Variants in LMOD1 observed in about 807,000 individuals in gnomAD.
LMOD1 encodes the protein leiomodin-1.
Under a neutral mutation model 36.5 loss-of-function variants are expected in LMOD1, and 8 were observed. The observed-to-expected ratio is 0.22, with a 90% CI of 0.13 to 0.40. The LOEUF is 0.40. LMOD1 is among the 10% of genes least tolerant of loss of function. The pLI is 1.00. For synonymous variants in LMOD1, 284 were observed against 288.7 expected (o/e 0.98, Z 0.17); for missense variants, 630 against 751.1 (o/e 0.84, Z 1.88).
chr1:201,900,890 G>A (rs976937135), intron 1 of LMOD1, 139 bp from the exon 2 acceptor site: 12 of 726,128 alleles, frequency 1.7e-5, no homozygotes, highest in Non-Finnish European at 2.4e-5. Context: ...GGAGAGTGGG[G>A]TGGATGTCTC....
At chr1:201,930,007 C>T (rs1458568506) in intron 1 of LMOD1, among the ~76,000 whole-genome samples, 1 of 152,118 alleles carries the variant, frequency 6.6e-6, no homozygotes, top group African/African-American at 2.4e-5. Flanking sequence ...GTTGGCTAGG[C>T]TTGGCATCCC....
intron 1 of LMOD1, among the ~76,000 whole-genome samples, 164 bp downstream of exon 1, chr1:201,945,914 AAG>A (rs1645502254): frequency 6.6e-6 from 1 of 152,200 alleles, no homozygotes; most frequent in Non-Finnish European, 1.5e-5. Context: ...AATTAGGAGT[AAG>A]AGATTCGCAC....
chr1:201,941,683 T>G (rs1193059391), intron 1 of LMOD1, among the ~76,000 whole-genome samples: 1 of 152,074 alleles, frequency 6.6e-6, no homozygotes, highest in Admixed American at 6.5e-5. Flanking sequence ...CTAGAACCGA[T>G]GGGGGAGGGG....
At chr1:201,912,955 G>T (rs1681539442) in intron 1 of LMOD1, among the ~76,000 whole-genome samples, 1 of 152,198 alleles carries the variant, frequency 6.6e-6, no homozygotes. Flanking sequence ...GCTAAGGCCT[G>T]CAAACTTGAG....
chr1:201,901,511 A>AAAATATATATATATATATATGTATAT (rs1242266721), intron 1 of LMOD1, among the ~76,000 whole-genome samples: 16 of 75,196 alleles, frequency 2.1e-4, no homozygotes, highest in South Asian at 4.1e-4. Flanking sequence ...TCAAAAAAAA[A>AAAATATATATATATATATATGTATAT]ATATATATAT....
chr1:201,940,900 C>T (rs771561677), intron 1 of LMOD1, among the ~76,000 whole-genome samples: 2 of 152,070 alleles, frequency 1.3e-5, no homozygotes, highest in African/African-American at 2.4e-5. Flanking sequence ...AGACATGTGC[C>T]GCTATGCCTG....
rs188071876 is a variant in LMOD1, at chr1:201,926,509, G to A, written c.261+19571C>T. Among the ~76,000 whole-genome samples, 122 of 152,246 alleles carry A rather than the reference G, an allele frequency of 8.0e-4. 1 individual carries two copies. Among genetic ancestry groups the A allele is most frequent in the African/African-American group, 2.7e-3 (112 of 41,538 alleles). ...GGAGCCATGTAAATGTCCAAATATA[G>A]GCAAATGGTTCAACACAGCCATACA... On this transcript the variant is annotated intron_variant, in intron 1 of 2. Transcript: ENST00000367288.
chr1:201,924,665 AAAAG>A (rs547652390), intron 1 of LMOD1, among the ~76,000 whole-genome samples: 9,770 of 129,918 alleles, frequency 0.075, 493 homozygotes, highest in African/African-American at 0.13. Context: ...AGAAAGAAAA[AAAAG>A]AAAGAAAGAA....
At chr1:201,904,486 A>G (rs1292985204) in intron 1 of LMOD1, among the ~76,000 whole-genome samples, 2 of 152,246 alleles carry the variant, frequency 1.3e-5, no homozygotes, top group African/African-American at 4.8e-5. Context: ...CTGTGATTAC[A>G]GGCGTGAGCC....
chr1:201,916,319 TCCTGGG>T (rs1222574071), intron 1 of LMOD1, among the ~76,000 whole-genome samples: 1 of 151,824 alleles, frequency 6.6e-6, no homozygotes, highest in Admixed American at 6.6e-5. Context: ...TTCAAGACCG[TCCTGGG>T]CAACATGGTG....
At chr1:201,944,551 C>G (rs543734787) in intron 1 of LMOD1, among the ~76,000 whole-genome samples, 64 of 152,088 alleles carry the variant, frequency 4.2e-4, no homozygotes, top group Admixed American at 7.2e-4. Flanking sequence ...GGTACCGGGC[C>G]CTCACAGTAA....
At position 201,899,213 on chromosome 1, in the gene LMOD1, T is replaced by C; in HGVS notation, c.1776+24A>G. 1 of 1,556,396 alleles carries C rather than the reference T, an allele frequency of 6.4e-7. No individual in the cohort carries two copies. The highest frequency in any genetic ancestry group is 8.7e-7 in the Non-Finnish European group (1 of 1,148,054). Reference sequence around the variant, plus strand: ...CAGGCCCTACCCAGCCCCGCCCTGTTGGCTCATGCCCACAACTACTTAACT... The same window carrying C: ...CAGGCCCTACCCAGCCCCGCCCTGTCGGCTCATGCCCACAACTACTTAACT... On this transcript the variant is annotated intron_variant, in intron 2 of 2. Transcript: ENST00000367288. The surrounding 1 kb of genome is among the most constrained non-coding windows in gnomAD (Gnocchi z 6.3).
chr1:201,900,230 G>C lies in LMOD1; in HGVS notation c.783C>G (p.Asn261Lys), dbSNP rs778272766. Reference sequence around the variant, plus strand: ...TTTCATCGTCCTTTTTGGTGTCTGTGTTCCCAGTTCCTCTTTTTACCTTCT... The same window carrying C: ...TTTCATCGTCCTTTTTGGTGTCTGTCTTCCCAGTTCCTCTTTTTACCTTCT... ...EDEKVKRGTGNTDTKKDDEKV... is the reference protein window; with the variant it reads ...EDEKVKRGTGKTDTKKDDEKV... Residue 261 changes from asparagine (N) to lysine (K), a missense_variant, in exon 2 of 3, where the codon AAC becomes AAG. By Grantham distance (94) the Asn-to-Lys change is moderately conservative. Coordinates refer to ENST00000367288, the MANE Select transcript of LMOD1 (RefSeq NM_012134.3). 2.5e-6 allele frequency: 4 copies of C among 1,613,802 alleles called. No individual in the cohort carries two copies. The highest frequency in any genetic ancestry group is 3.4e-6 in the Non-Finnish European group (4 of 1,179,850).
intron 1 of LMOD1, among the ~76,000 whole-genome samples, chr1:201,901,592 A>ATGTGTG (rs1571574074): frequency 2.1e-3 from 19 of 9,110 alleles, no homozygotes; most frequent in African/African-American, 5.5e-3. Flanking sequence ...ATACATATAT[A>ATGTGTG]TATGTATATA....
At chr1:201,937,978 A>G (rs1320449824) in intron 1 of LMOD1, among the ~76,000 whole-genome samples, 3 of 152,196 alleles carry the variant, frequency 2.0e-5, no homozygotes, top group African/African-American at 7.2e-5. Context: ...GAGAATGGGA[A>G]TGGGAGGAGC....
chr1:201,923,079 C>T (rs1681733607), intron 1 of LMOD1, among the ~76,000 whole-genome samples: 1 of 152,192 alleles, frequency 6.6e-6, no homozygotes, highest in Non-Finnish European at 1.5e-5. Flanking sequence ...CCCGTCTCGG[C>T]CTCCCAAAGT....
At chr1:201,936,293 T>C (rs1385363742) in intron 1 of LMOD1, among the ~76,000 whole-genome samples, 1 of 151,986 alleles carries the variant, frequency 6.6e-6, no homozygotes, top group Non-Finnish European at 1.5e-5. Flanking sequence ...CCCTACAGTC[T>C]GTTTATCTGA....
chr1:201,906,830 G>A (rs776431728), intron 1 of LMOD1, among the ~76,000 whole-genome samples: 80 of 151,992 alleles, frequency 5.3e-4, no homozygotes, highest in South Asian at 6.2e-4. Context: ...AGAAGTTCAG[G>A]ACTAGCCTGG....
At chr1:201,943,938 C>G (rs577813818) in intron 1 of LMOD1, among the ~76,000 whole-genome samples, 2 of 152,180 alleles carry the variant, frequency 1.3e-5, no homozygotes, top group Non-Finnish European at 2.9e-5. Flanking sequence ...CACACACTCA[C>G]TATTTTGTTA....
Sources: allele counts gnomAD v4.1 joint callset (sites outside exome capture counted in the v4.1 genomes callset), GRCh38; gene constraint gnomAD v4.1.1; non-coding constraint Gnocchi (gnomAD v3.1); transcripts MANE v1.5; gene names NCBI Gene and HGNC (gene_info 2026-07-23, HGNC 2026-07-21).